CDADC1: variants seen among roughly 807,000 people sequenced by gnomAD.
The protein encoded by CDADC1 is cytidine and dCMP deaminase domain containing 1, also known as dCTP deaminase.
Under a neutral mutation model 54.9 loss-of-function variants are expected in CDADC1, and 39 were observed. That is an observed-to-expected ratio of 0.71 (90% CI 0.55 to 0.93). CDADC1 has a LOEUF of 0.93. Among genes scored for constraint, CDADC1 ranks in the 40% least tolerant of loss-of-function variants. CDADC1 has a pLI of 0.00. For synonymous variants in CDADC1, 186 were observed against 204.0 expected (o/e 0.91, Z 0.75); for missense variants, 518 against 618.8 (o/e 0.84, Z 1.73).
At chr13:49,276,888 T>C (rs1207541014) in intron 6 of CDADC1, among the ~76,000 whole-genome samples, 1 of 152,240 alleles carries the variant, frequency 6.6e-6, no homozygotes, top group Non-Finnish European at 1.5e-5. Flanking sequence ...TGTGTGTACA[T>C]GAATGCTCAG....
In CDADC1 at chr13:49,291,931, A is replaced by C. The variant is rs1239461306; in HGVS notation, c.*174A>C. On this transcript the variant is annotated 3_prime_UTR_variant, in exon 10 of 10. Transcript: ENST00000251108. Reference sequence around the variant, plus strand: ...GTGTTAATAAGAATATTTGTCTTTTAGATTTATGTGTGGGTTTTCCATAAT... The same window carrying C: ...GTGTTAATAAGAATATTTGTCTTTTCGATTTATGTGTGGGTTTTCCATAAT... 3 of 1,380,810 alleles carry C rather than the reference A, an allele frequency of 2.2e-6. No homozygotes were observed. Among genetic ancestry groups the C allele is most frequent in the Non-Finnish European group, 2.8e-6 (3 of 1,066,930 alleles). The allele number at this position is 1,380,810 out of a possible 1,614,324, so 85.5% of individuals were successfully genotyped here. A position where few individuals can be genotyped will look rare whatever the true frequency, so the allele number is the denominator to read the frequency against.
chr13:49,289,735 GAC>G (rs1344484735), intron 9 of CDADC1, among the ~76,000 whole-genome samples: 1 of 152,150 alleles, frequency 6.6e-6, no homozygotes, highest in Non-Finnish European at 1.5e-5. Flanking sequence ...AGTTCAAAAA[GAC>G]ATACCATATA....
chr13:49,273,315 C>A (rs1000685122), intron 5 of CDADC1, among the ~76,000 whole-genome samples: 2 of 152,072 alleles, frequency 1.3e-5, no homozygotes, highest in African/African-American at 2.4e-5. Flanking sequence ...ATGAAAATGC[C>A]TTAGGGTAAG....
Position 49,278,445 on chromosome 13 carries a change from T to C in CDADC1, c.1146T>C (p.Asp382=), listed in dbSNP as rs1426792708. The part of the protein sequence containing the change: ...GSEYADFPHM[D]DKQKDREIRK... ...AGTATGCTGACTTCCCACACATGGATGACAAGCAGAAAGACAGAGAAATAA... is the reference window on the plus strand; with the variant it reads ...AGTATGCTGACTTCCCACACATGGACGACAAGCAGAAAGACAGAGAAATAA... Residue 382 remains aspartate (D), a synonymous_variant, in exon 7 of 10, where the codon GAT becomes GAC. Coordinates refer to ENST00000251108, the MANE Select transcript of CDADC1 (RefSeq NM_030911.4). 14 of 1,604,958 alleles carry C rather than the reference T, an allele frequency of 8.7e-6. No individual in the cohort carries two copies. The highest frequency in any genetic ancestry group is 2.2e-5 in the South Asian group (2 of 90,222).
chr13:49,274,309 T>G lies in CDADC1; in HGVS notation c.1019T>G (p.Val340Gly), dbSNP rs147745066. ...CTTTCAGAGGATCATAAAACAGGAG[T>G]TGGGGCAGTCATTTGGGCAGAAGGG... ...AYRTEDHKTGVGAVIWAEGKS... is the reference protein window; with the variant it reads ...AYRTEDHKTGGGAVIWAEGKS... The change falls in exon 6 of 10, where the codon GTT becomes GGT. Residue 340 changes from valine to glycine, a missense_variant. By Grantham distance (109) the Val-to-Gly change is moderately radical. Transcript: ENST00000251108. 5 of 1,610,862 alleles carry G rather than the reference T, an allele frequency of 3.1e-6. No individual in the cohort carries two copies. The East Asian group carries it at 1.1e-4, about 36-fold the overall frequency.
intron 8 of CDADC1, among the ~76,000 whole-genome samples, chr13:49,281,467 G>A (rs1953332502): frequency 6.6e-6 from 1 of 152,310 alleles, no homozygotes; most frequent in Non-Finnish European, 1.5e-5. Context: ...CAGATCATCA[G>A]GCAATAGATT....
intron 5 of CDADC1, among the ~76,000 whole-genome samples, chr13:49,272,651 C>CT (rs1224230451): frequency 2.1e-4 from 30 of 145,118 alleles, no homozygotes; most frequent in Admixed American, 3.4e-4. Context: ...TCAAGGATTT[C>CT]TTTTTCTTTT....
At chr13:49,250,619 G>A (rs1381797684) in intron 2 of CDADC1, among the ~76,000 whole-genome samples, 1 of 152,198 alleles carries the variant, frequency 6.6e-6, no homozygotes, top group Non-Finnish European at 1.5e-5. Context: ...AGAGGGAAGA[G>A]ACTGGAAAGG....
chr13:49,266,579 A>G (rs1266337365), intron 4 of CDADC1, among the ~76,000 whole-genome samples: 1 of 152,220 alleles, frequency 6.6e-6, no homozygotes, highest in Non-Finnish European at 1.5e-5. Flanking sequence ...ACATCACATA[A>G]GAATTTTTTC....
intron 2 of CDADC1, among the ~76,000 whole-genome samples, chr13:49,251,131 C>T (rs1380064623): frequency 3.3e-5 from 5 of 151,890 alleles, no homozygotes; most frequent in Admixed American, 6.6e-5. Context: ...ACTTTTAGGC[C>T]GGGTGCAGTG....
Position 49,286,362 on chromosome 13 carries a change from A to G in CDADC1, c.1471+80A>G, listed in dbSNP as rs1593855999. ...TGAATTTTAATGATCAGGTGATGAA[A>G]ATTGTGTTAATAGATGGAGCATATT... is the stretch of plus-strand genomic sequence containing the variant. On this transcript the variant is annotated intron_variant, in intron 9 of 9. Transcript: ENST00000251108. 3 of 1,000,468 alleles carry G rather than the reference A, an allele frequency of 3.0e-6. No homozygotes were observed. The East Asian group carries it at 7.2e-5, about 24-fold the overall frequency. The allele number at this position is 1,000,468 out of a possible 1,614,324, so 62.0% of individuals were successfully genotyped here. A position where few individuals can be genotyped will look rare whatever the true frequency, so the allele number is the denominator to read the frequency against.
intron 9 of CDADC1, among the ~76,000 whole-genome samples, chr13:49,290,546 C>G (rs1409088649): frequency 6.6e-6 from 1 of 152,090 alleles, no homozygotes; most frequent in South Asian, 2.1e-4. Flanking sequence ...GACAAGGAAA[C>G]AGCAGGGCAG....
intron 8 of CDADC1, among the ~76,000 whole-genome samples, chr13:49,285,679 G>C (rs1304355015): frequency 1.3e-5 from 2 of 152,162 alleles, no homozygotes; most frequent in African/African-American, 4.8e-5. Context: ...CAATTAAAAT[G>C]AATGTAAAGA....
At chr13:49,289,594 A>G (rs1265630521) in intron 9 of CDADC1, among the ~76,000 whole-genome samples, 1 of 152,220 alleles carries the variant, frequency 6.6e-6, no homozygotes, top group East Asian at 1.9e-4. Context: ...GTGTATTCCC[A>G]CAATGGACTA....
intron 6 of CDADC1, among the ~76,000 whole-genome samples, chr13:49,275,724 TATAGAGAGAGAGAGAGAGAG>T (rs1953107325): frequency 8.4e-4 from 13 of 15,462 alleles, no homozygotes; most frequent in Admixed American, 3.1e-3. Flanking sequence ...TATATATATA[TATAGAGAGAGAGAGAGAGAG>T]AGAGAGAGAG....
chr13:49,268,965 C>T (rs1952896797), intron 5 of CDADC1, among the ~76,000 whole-genome samples: 1 of 152,106 alleles, frequency 6.6e-6, no homozygotes, highest in African/African-American at 2.4e-5. Flanking sequence ...TATTTCCAAA[C>T]ATGGAACAAT....
chr13:49,274,563 C>T (rs1032156557), intron 6 of CDADC1, among the ~76,000 whole-genome samples: 4 of 151,434 alleles, frequency 2.6e-5, no homozygotes, highest in Admixed American at 6.6e-5. Context: ...CCCAGCTACT[C>T]GGGAGGCTGA....
intron 1 of CDADC1, 48 bp from the exon 2 acceptor site, chr13:49,248,823 T>C (rs1202813957): frequency 8.0e-7 from 1 of 1,246,066 alleles, no homozygotes; most frequent in African/African-American, 1.5e-5. Context: ...TGGCTCCCTT[T>C]TTCACCATTA....
chr13:49,271,218 T>A (rs919606604), intron 5 of CDADC1, among the ~76,000 whole-genome samples: 2 of 150,262 alleles, frequency 1.3e-5, no homozygotes, highest in African/African-American at 4.9e-5. Flanking sequence ...TCCAAAAGTA[T>A]GTTTCTAGAA....
Sources: allele counts gnomAD v4.1 joint callset (sites outside exome capture counted in the v4.1 genomes callset), GRCh38; gene constraint gnomAD v4.1.1; transcripts MANE v1.5; gene names NCBI Gene and HGNC (gene_info 2026-07-23, HGNC 2026-07-21).